LARGE1: variants seen among roughly 807,000 people sequenced by gnomAD.
LARGE1 encodes xylosyl- and glucuronyltransferase LARGE1.
LARGE1 carries 43 observed loss-of-function variants against 87.6 expected under a neutral mutation model. That is an observed-to-expected ratio of 0.49 (90% confidence interval 0.38 to 0.63). The LOEUF is 0.63. Among genes scored for constraint, LARGE1 ranks in the 30% least tolerant of loss-of-function variants. The pLI, the probability that LARGE1 is intolerant of heterozygous loss-of-function variation, is 0.00. For missense variants in LARGE1, 802 were observed against 1,000.2 expected (o/e 0.80, Z 2.67); for synonymous variants, 434 against 394.6 (o/e 1.10, Z -1.18).
intron 5 of LARGE1, among the ~76,000 whole-genome samples, chr22:33,581,507 T>A (rs1303828160): frequency 1.3e-5 from 2 of 152,144 alleles, no homozygotes; most frequent in Admixed American, 6.5e-5. Context: ...TTTTCCATGC[T>A]TCAGTTAGAA....
At chr22:33,854,461 A>G (rs944557731) in intron 1 of LARGE1, among the ~76,000 whole-genome samples, 7 of 152,140 alleles carry the variant, frequency 4.6e-5, no homozygotes, top group African/African-American at 4.8e-5. Context: ...CTTCTCCATC[A>G]TGAGTCTTAT....
the LARGE1 span, among the ~76,000 whole-genome samples, chr22:33,089,377 T>TCCTC: frequency 7.5e-6 from 1 of 133,336 alleles, no homozygotes; most frequent in African/African-American, 3.0e-5. Flanking sequence ...TTCTCCTTCT[T>TCCTC]CTTCTTCTTC....
At chr22:33,785,747 A>G (rs2085621033) in intron 1 of LARGE1, among the ~76,000 whole-genome samples, 1 of 152,222 alleles carries the variant, frequency 6.6e-6, no homozygotes, top group African/African-American at 2.4e-5. Flanking sequence ...TAAGTTCATT[A>G]GCAGCTGATG....
At chr22:33,172,589 G>A (rs16991928) in intron 11 of LARGE1, among the ~76,000 whole-genome samples, 25,375 of 151,922 alleles carry the variant, frequency 0.17, 2,266 homozygotes, top group South Asian at 0.32. Flanking sequence ...TGTCTATGAT[G>A]TGAATTCTCC....
intron 2 of LARGE1, among the ~76,000 whole-genome samples, chr22:33,742,701 T>C (rs1226399028): frequency 3.9e-5 from 6 of 152,230 alleles, no homozygotes; most frequent in Non-Finnish European, 8.8e-5. Flanking sequence ...CAGATTTTTC[T>C]TTATAATAAA....
chr22:33,187,516 T>C (rs1409592874), intron 11 of LARGE1, among the ~76,000 whole-genome samples: 1 of 151,942 alleles, frequency 6.6e-6, no homozygotes, highest in Non-Finnish European at 1.5e-5. Flanking sequence ...GGTGGGGAAA[T>C]GTTAGTAGAA....
chr22:33,882,163 T>A (rs2064714045), intron 1 of LARGE1, among the ~76,000 whole-genome samples: 1 of 151,608 alleles, frequency 6.6e-6, no homozygotes, highest in African/African-American at 2.4e-5. Flanking sequence ...CTGCCTCAGC[T>A]GGGACTACAG....
chr22:33,618,771 G>C (rs2149043460), intron 4 of LARGE1, among the ~76,000 whole-genome samples: 1 of 152,324 alleles, frequency 6.6e-6, no homozygotes, highest in East Asian at 1.9e-4. Context: ...CTTCAAGCCA[G>C]AAACAGTCCT....
rs554307025 is a variant in LARGE1, at chr22:33,645,777, C to T, written c.408+4590G>A. On this transcript the variant is annotated intron_variant, in intron 3 of 14. Coordinates refer to ENST00000397394, the MANE Select transcript of LARGE1 (RefSeq NM_133642.5). ...AACAAATGACCCCATCAAAAAGTGG[C>T]GAAGGTATGAAGAGACACTTCTCAA... 5.9e-5 allele frequency among the ~76,000 whole-genome samples: 9 copies of T among 152,016 alleles called. No homozygotes were observed. The South Asian group carries it at 1.7e-3, about 28-fold the overall frequency.
At chr22:33,493,367 G>C (rs2069950155) in intron 6 of LARGE1, among the ~76,000 whole-genome samples, 1 of 151,918 alleles carries the variant, frequency 6.6e-6, no homozygotes. Context: ...CACCATGTTG[G>C]CCAGGCTGGT....
intron 1 of LARGE1, among the ~76,000 whole-genome samples, chr22:33,913,537 GT>G (rs960059576): frequency 1.3e-5 from 2 of 151,762 alleles, no homozygotes; most frequent in African/African-American, 4.8e-5. Flanking sequence ...AGTCTTTGGT[GT>G]TTTTTTTGTT....
chr22:33,579,691 G>T (rs1453726190), intron 5 of LARGE1, among the ~76,000 whole-genome samples: 1 of 152,084 alleles, frequency 6.6e-6, no homozygotes, highest in Non-Finnish European at 1.5e-5. Context: ...TGCTTGTTTG[G>T]GTTTGGAACA....
intron 11 of LARGE1, among the ~76,000 whole-genome samples, chr22:33,261,547 G>T (rs2145748365): frequency 6.6e-6 from 1 of 151,310 alleles, no homozygotes; most frequent in East Asian, 1.9e-4. Context: ...TTTTATAAAA[G>T]GTATGAAAAG....
At chr22:33,765,353 A>G (rs551192702) in intron 1 of LARGE1, among the ~76,000 whole-genome samples, 2 of 152,242 alleles carry the variant, frequency 1.3e-5, no homozygotes, top group South Asian at 4.1e-4. Flanking sequence ...AGGGTGAAAT[A>G]TATCATAACT....
intron 6 of LARGE1, among the ~76,000 whole-genome samples, chr22:33,460,982 ATC>A (rs2068358830): frequency 6.6e-6 from 1 of 151,374 alleles, no homozygotes; most frequent in African/African-American, 2.4e-5. Context: ...GCAAATACAA[ATC>A]CTATCTAGAG....
chr22:33,918,014 T>C (rs1031525292), intron 1 of LARGE1, among the ~76,000 whole-genome samples: 1 of 152,180 alleles, frequency 6.6e-6, no homozygotes, highest in East Asian at 1.9e-4. Flanking sequence ...GGCTGAAGGA[T>C]GGCGACACTA....
rs189529756 is a variant in LARGE1, at chr22:33,822,125, C to T, written c.-82-60567G>A. Among the ~76,000 whole-genome samples the T allele has an allele frequency of 7.9e-4, 120 of 152,220 alleles. 3 individuals carry two copies. Among genetic ancestry groups the T allele is most frequent in the Non-Finnish European group, 5.4e-4 (37 of 68,028 alleles). On this transcript the variant is annotated intron_variant, in intron 1 of 14. Coordinates refer to ENST00000397394, the MANE Select transcript of LARGE1 (RefSeq NM_133642.5). ...CTTGGCCTGATGCCTGGTATAGGCA[C>T]TATGTAGCATTAAATCTCACTAAGC... is the stretch of plus-strand genomic sequence containing the variant.
intron 3 of LARGE1, among the ~76,000 whole-genome samples, chr22:33,635,897 CAGA>C (rs1199472172): frequency 6.6e-6 from 1 of 152,126 alleles, no homozygotes. Flanking sequence ...ATGCAGAAAA[CAGA>C]AGTAGATGCA....
At chr22:33,863,097 T>C (rs2063979951) in intron 1 of LARGE1, among the ~76,000 whole-genome samples, 1 of 152,160 alleles carries the variant, frequency 6.6e-6, no homozygotes, top group South Asian at 2.1e-4. Context: ...CCGTTCCCAC[T>C]TCTCACACAG....
Sources: allele counts gnomAD v4.1 joint callset (sites outside exome capture counted in the v4.1 genomes callset), GRCh38; gene constraint gnomAD v4.1.1; transcripts MANE v1.5; gene names NCBI Gene and HGNC (gene_info 2026-07-23, HGNC 2026-07-21).